Variants in PARVA observed in about 807,000 individuals in gnomAD.
PARVA encodes parvin alpha, also known as alpha-parvin.
Under a neutral mutation model 52.6 loss-of-function variants are expected in PARVA, and 25 were observed. That is an observed-to-expected ratio of 0.48 (90% CI 0.35 to 0.66). PARVA has a LOEUF of 0.66. PARVA is among the 30% of genes least tolerant of loss of function. The probability of loss-of-function intolerance (pLI) is 0.01; values close to 1 mark genes in which losing one functional copy is unlikely to be tolerated. For synonymous variants in PARVA, 185 were observed against 179.1 expected, an observed-to-expected ratio of 1.03 and a Z score of -0.26; for missense variants, 373 against 450.9, an observed-to-expected ratio of 0.83 and a Z score of 1.56.
At chr11:12,449,946 A>T (rs1205805201) in intron 1 of PARVA, among the ~76,000 whole-genome samples, 1 of 152,212 alleles carries the variant, frequency 6.6e-6, no homozygotes, top group Non-Finnish European at 1.5e-5. Context: ...AATAATCACC[A>T]CTAGCGACTA....
In PARVA at chr11:12,517,682, T is replaced by C; in HGVS notation, c.940T>C (p.Phe314Leu). The C allele has an allele frequency of 6.2e-7, 1 of 1,604,016 alleles. No homozygotes were observed. The highest frequency in any genetic ancestry group is 8.5e-7 in the Non-Finnish European group (1 of 1,175,000). Residue 314 changes from phenylalanine to leucine, a missense_variant, in exon 11 of 13, where the codon TTC becomes CTC. Coordinates refer to ENST00000334956, the MANE Select transcript of PARVA (RefSeq NM_018222.5). ...EGYFVPLHSF[F>L]LTPDSFEQKV... is the part of the protein sequence containing the mutation. ...CTACTTTGTGCCCCTGCACAGCTTC[T>C]TCCTGACCCCGGACAGCTTTGAACA...
chr11:12,412,906 C>T (rs1321036380), intron 1 of PARVA, among the ~76,000 whole-genome samples: 2 of 151,900 alleles, frequency 1.3e-5, no homozygotes, highest in Non-Finnish European at 2.9e-5. Context: ...AATCTCAGGG[C>T]TTTTCTTTTG....
intron 1 of PARVA, among the ~76,000 whole-genome samples, chr11:12,445,766 G>T (rs1001155165): frequency 6.6e-6 from 1 of 152,100 alleles, no homozygotes; most frequent in Non-Finnish European, 1.5e-5. Context: ...ACATATGGGG[G>T]CCATATGTCC....
intron 12 of PARVA, among the ~76,000 whole-genome samples, chr11:12,523,965 C>G (rs1322059319): frequency 6.6e-6 from 1 of 152,218 alleles, no homozygotes; most frequent in Non-Finnish European, 1.5e-5. Context: ...CTGGGACTAC[C>G]TGGGGGCCCA....
intron 1 of PARVA, among the ~76,000 whole-genome samples, chr11:12,433,224 C>T (rs1390584121): frequency 6.6e-6 from 1 of 152,120 alleles, no homozygotes. Context: ...TCATTAGCTC[C>T]CCACCCAAAG....
At position 12,521,658 on chromosome 11, in the gene PARVA, T is replaced by TTGAGA. The variant is rs146110311; in HGVS notation, c.1042+3145_1042+3149dup. On this transcript the variant is annotated intron_variant, in intron 12 of 12. Transcript: ENST00000334956. The stretch of plus-strand genomic sequence containing the variant: ...TGCAGATGTGATTAAATTTAGGGTC[T>TTGAGA]TGAGATGATGACATTATCTAGGTGG... 4.7e-3 allele frequency among the ~76,000 whole-genome samples: 718 copies of TTGAGA among 152,230 alleles called. 9 individuals carry two copies. Among genetic ancestry groups the TTGAGA allele is most frequent in the African/African-American group, 0.012 (519 of 41,530 alleles).
At chr11:12,512,586 A>G (rs536947023) in intron 8 of PARVA, among the ~76,000 whole-genome samples, 110 of 152,288 alleles carry the variant, frequency 7.2e-4, no homozygotes, top group African/African-American at 2.6e-3. Flanking sequence ...TGGCTTTGCT[A>G]TTTTCTATGA....
Position 12,409,237 on chromosome 11 carries a change from G to T in PARVA, c.136+31454G>T, listed in dbSNP as rs114625069. On this transcript the variant is annotated intron_variant, in intron 1 of 12. Transcript: ENST00000334956. Reference sequence around the variant, plus strand: ...ATATATAATATGTAGTGGTGTGCCTGGTACACAGAGATGCTTCAGAAGAGG... The same window carrying T: ...ATATATAATATGTAGTGGTGTGCCTTGTACACAGAGATGCTTCAGAAGAGG... Among the ~76,000 whole-genome samples, 1,235 of 152,266 alleles carry T rather than the reference G, an allele frequency of 8.1e-3. 18 individuals are homozygous for T. Among genetic ancestry groups the T allele is most frequent in the African/African-American group, 0.028 (1,156 of 41,540 alleles).
At chr11:12,453,149 C>G (rs1453858355) in intron 1 of PARVA, 5 of 400,844 alleles carry the variant, frequency 1.2e-5, no homozygotes, top group Admixed American at 2.7e-5. Context: ...GGTGAGTGCT[C>G]CTCCTCTTGC....
rs553884158 is a variant in PARVA at position 12,425,309 on chromosome 11, A to G, written c.136+47526A>G. Among the ~76,000 whole-genome samples, 5 of 152,340 alleles carry G rather than the reference A, an allele frequency of 3.3e-5. No individual in the cohort carries two copies. The South Asian group carries it at 1.0e-3, about 32-fold the overall frequency. ...AACACTAGGCAACATGCTGGAGGAT[A>G]AGACGAACACAGTTTTGGCCATCAG... On this transcript the variant is annotated intron_variant, in intron 1 of 12. Coordinates refer to ENST00000334956, the MANE Select transcript of PARVA (RefSeq NM_018222.5).
chr11:12,533,600 G>A lies in PARVA; in HGVS notation c.*5675G>A, dbSNP rs139154841. 1.9e-3 allele frequency among the ~76,000 whole-genome samples: 287 copies of A among 152,186 alleles called. 1 individual carries two copies. Among genetic ancestry groups the A allele is most frequent in the African/African-American group, 6.1e-3 (254 of 41,528 alleles). On this transcript the variant is annotated 3_prime_UTR_variant, in exon 13 of 13. Coordinates refer to ENST00000334956, the MANE Select transcript of PARVA (RefSeq NM_018222.5). Reference sequence around the variant, plus strand: ...GCATGTAACTTGACTCCCCCAAAACGTAACTATAATACTAATAGCCTTACT... The same window carrying A: ...GCATGTAACTTGACTCCCCCAAAACATAACTATAATACTAATAGCCTTACT...
chr11:12,512,147 C>G (rs1468815606), intron 8 of PARVA, among the ~76,000 whole-genome samples: 6 of 152,186 alleles, frequency 3.9e-5, no homozygotes. Context: ...CAGAAAGATT[C>G]ATTAGCTTGC....
intron 1 of PARVA, among the ~76,000 whole-genome samples, chr11:12,418,161 TG>T (rs953695481): frequency 6.8e-6 from 1 of 146,502 alleles, no homozygotes; most frequent in African/African-American, 2.6e-5. Context: ...GAAATCAGCA[TG>T]GGCCAAGGGG....
Position 12,533,741 on chromosome 11 carries a change from T to A in PARVA, c.*5816T>A, listed in dbSNP as rs1317532832. ...AGAAAAACATAAGCAAGAGAAAATA[T>A]ATTTACTATTAAGTGAAAGCAGGTC... On this transcript the variant is annotated 3_prime_UTR_variant, in exon 13 of 13. Coordinates refer to ENST00000334956, the MANE Select transcript of PARVA (RefSeq NM_018222.5). Among the ~76,000 whole-genome samples, 1 of 151,934 alleles carries A rather than the reference T, an allele frequency of 6.6e-6. No individual in the cohort carries two copies. The highest frequency in any genetic ancestry group is 1.5e-5 in the Non-Finnish European group (1 of 68,014).
At chr11:12,467,164 A>C (rs1393482220) in intron 1 of PARVA, among the ~76,000 whole-genome samples, 1 of 152,188 alleles carries the variant, frequency 6.6e-6, no homozygotes, top group South Asian at 2.1e-4. Flanking sequence ...TTTAAATTTC[A>C]ACCATTCAGT....
At chr11:12,402,953 T>C (rs2134966415) in intron 1 of PARVA, among the ~76,000 whole-genome samples, 1 of 152,372 alleles carries the variant, frequency 6.6e-6, no homozygotes, top group South Asian at 2.1e-4. Flanking sequence ...TGTAACGTAC[T>C]TGGCACGGCT....
intron 1 of PARVA, among the ~76,000 whole-genome samples, chr11:12,405,358 T>C (rs1188228440): frequency 1.3e-5 from 2 of 152,222 alleles, no homozygotes; most frequent in Admixed American, 1.3e-4. Flanking sequence ...TTTCCCTGAT[T>C]ACAAATTTAA....
chr11:12,419,523 C>T (rs10734196), intron 1 of PARVA, among the ~76,000 whole-genome samples: 132,154 of 152,232 alleles, frequency 0.87, 58,119 homozygotes, highest in East Asian at 0.99. Context: ...CATCCATTGT[C>T]GGACACTTGA....
In PARVA at chr11:12,530,447, T is replaced by C. The variant is rs1941759016; in HGVS notation, c.*2522T>C. The C allele has an allele frequency of 6.6e-6, 1 of 152,220 alleles. No individual in the cohort carries two copies. The highest frequency in any genetic ancestry group is 1.5e-5 in the Non-Finnish European group (1 of 68,036). 9.4% of individuals were successfully genotyped at this position (152,220 alleles called of 1,614,324 possible). On this transcript the variant is annotated 3_prime_UTR_variant, in exon 13 of 13. Coordinates refer to ENST00000334956, the MANE Select transcript of PARVA (RefSeq NM_018222.5). Reference sequence around the variant, plus strand: ...ACTTCATAGGCTCACTGGGTTTTCTTTTCTTTTCTGTTAATTTAAACTCAG... The same window carrying C: ...ACTTCATAGGCTCACTGGGTTTTCTCTTCTTTTCTGTTAATTTAAACTCAG...
Sources: allele counts gnomAD v4.1 joint callset (sites outside exome capture counted in the v4.1 genomes callset), GRCh38; gene constraint gnomAD v4.1.1; transcripts MANE v1.5; gene names NCBI Gene and HGNC (gene_info 2026-07-23, HGNC 2026-07-21).